ZNF511: variants seen among roughly 807,000 people sequenced by gnomAD.
The protein encoded by ZNF511 is zinc finger protein 511.
In ZNF511, 26 loss-of-function variants were observed where a neutral mutation model predicts 24.8. The observed-to-expected ratio is 1.05, with a 90% CI of 0.77 to 1.46. ZNF511 has a LOEUF of 1.46. ZNF511 is among the 40% of genes most tolerant of loss of function. ZNF511 has a pLI of 0.00. For synonymous variants in ZNF511, 144 were observed against 139.6 expected (o/e 1.03, Z -0.22); for missense variants, 358 against 345.0 (o/e 1.04, Z -0.30).
chr10:133,310,470 T>A, intron 4 of ZNF511, 182 bp downstream of exon 4: 1 of 752,028 alleles, frequency 1.3e-6, no homozygotes, highest in Non-Finnish European at 2.1e-6. Context: ...GCGGCCACCC[T>A]GCCGAAGGGA....
chr10:133,309,008 C>T lies in ZNF511; in HGVS notation c.65C>T (p.Pro22Leu), dbSNP rs1290771213. ...AAGPGAAEPL[P>L]VERDPAAGAA... ...GGGCCCGGGGCGGCGGAGCCGCTGCCTGTAGAGCGGGATCCCGCGGCTGGG... is the reference window on the plus strand; with the variant it reads ...GGGCCCGGGGCGGCGGAGCCGCTGCTTGTAGAGCGGGATCCCGCGGCTGGG... Residue 22 changes from proline to leucine, a missense_variant, in exon 1 of 6, where the codon CCT (proline) becomes CTT (leucine). Pro to Leu is a moderately conservative substitution (Grantham distance 98). Coordinates refer to ENST00000361518, the MANE Select transcript of ZNF511 (RefSeq NM_145806.4). The T allele has an allele frequency of 3.2e-6, 4 of 1,255,938 alleles. No homozygotes were observed. Among genetic ancestry groups the T allele is most frequent in the African/African-American group, 1.5e-5 (1 of 64,570 alleles). 77.8% of individuals were successfully genotyped at this position (1,255,938 alleles called of 1,614,324 possible).
chr10:133,312,673 C>T (rs574546340), intron 5 of ZNF511, 115 bp from the exon 6 acceptor site: 2 of 1,573,616 alleles, frequency 1.3e-6, no homozygotes, highest in Non-Finnish European at 8.6e-7. Context: ...GCCGGCTCTG[C>T]ATTCCGCATG....
chr10:133,311,911 CT>C, intron 5 of ZNF511, 70 bp downstream of exon 5: 1 of 1,613,178 alleles, frequency 6.2e-7, no homozygotes. Flanking sequence ...TGGGCTGCAC[CT>C]GGGCCGCAGC....
Position 133,312,871 on chromosome 10 carries a change from C to G in ZNF511, c.*5C>G. 1.2e-6 allele frequency: 2 copies of G among 1,614,158 alleles called. No homozygotes were observed. The highest frequency in any genetic ancestry group is 1.1e-5 in the South Asian group (1 of 91,084). ...AAGAAAACCAAACAATGCTGATAGA[C>G]TCAGAAAAGGAGTGGGGGGCAGTCA... On this transcript the variant is annotated 3_prime_UTR_variant, in exon 6 of 6. Coordinates refer to ENST00000361518, the MANE Select transcript of ZNF511 (RefSeq NM_145806.4).
Position 133,308,992 on chromosome 10 carries a change from G to A in ZNF511, c.49G>A (p.Ala17Thr). The change falls in exon 1 of 6, where the codon GCG becomes ACG. Residue 17 changes from alanine to threonine, a missense_variant. Physicochemically the swap from Ala to Thr is moderately conservative, Grantham distance 58 (BLOSUM62 0). Transcript: ENST00000361518. Reference protein sequence around the residue: ...LCARLAAGPGAAEPLPVERDP... With the variant: ...LCARLAAGPGTAEPLPVERDP... ...CGCCCGCCTCGCTGCGGGGCCCGGG[G>A]CGGCGGAGCCGCTGCCTGTAGAGCG... The A allele has an allele frequency of 8.0e-7, 1 of 1,247,400 alleles. No individual in the cohort carries two copies. Among genetic ancestry groups the A allele is most frequent in the Non-Finnish European group, 1.0e-6 (1 of 988,508 alleles). 77.3% of individuals were successfully genotyped at this position (1,247,400 alleles called of 1,614,324 possible). A position where few individuals can be genotyped will look rare whatever the true frequency, so the allele number is the denominator to read the frequency against.
Sources: gnomAD v4.1 joint callset for allele counts on GRCh38, gnomAD v4.1.1 for gene constraint, MANE v1.5 for transcripts, NCBI Gene and HGNC (gene_info 2026-07-23, HGNC 2026-07-21) for gene names.